Variants in EDA observed in about 807,000 individuals in gnomAD.
EDA encodes the protein ectodysplasin A.
In EDA, 2 loss-of-function variants were observed where a neutral mutation model predicts 23.6. The ratio of observed to expected loss-of-function variants is 0.08; its 90% confidence interval spans 0.03 to 0.27. The LOEUF (loss-of-function observed/expected upper bound fraction) is 0.27, where lower values mean the gene tolerates loss of function less well. EDA is among the 10% of genes least tolerant of loss of function. EDA has a pLI of 1.00. For synonymous variants in EDA, 131 were observed against 132.0 expected (o/e 0.99, Z 0.05); for missense variants, 229 against 324.2 (o/e 0.71, Z 2.26).
At chrX:69,705,377 G>A (rs149500273) in intron 1 of EDA, among the ~76,000 whole-genome samples, 6,695 of 111,297 alleles carry the variant, frequency 0.06, 204 homozygotes, top group Middle Eastern at 0.093. Flanking sequence ...AAGAGAGAAG[G>A]CCAGAAGTCC....
intron 1 of EDA, among the ~76,000 whole-genome samples, chrX:69,891,915 C>T (rs1449135829): frequency 9.1e-6 from 1 of 110,297 alleles, no homozygotes; most frequent in Non-Finnish European, 1.9e-5. Flanking sequence ...TACCCCTGAA[C>T]TTATAAGTTG....
intron 1 of EDA, among the ~76,000 whole-genome samples, chrX:69,799,935 G>T (rs747158931): frequency 8.9e-6 from 1 of 111,883 alleles, no homozygotes; most frequent in South Asian, 3.7e-4. Flanking sequence ...TTATTGTAGC[G>T]CTGTTCACAA....
intron 1 of EDA, among the ~76,000 whole-genome samples, chrX:69,823,085 C>A (rs1343528879): frequency 1.0e-5 from 1 of 95,408 alleles, no homozygotes. Flanking sequence ...TTTTCTTAAT[C>A]CAGTCTATCA....
intron 2 of EDA, among the ~76,000 whole-genome samples, chrX:70,010,772 C>G (rs192924708): frequency 9.0e-6 from 1 of 111,437 alleles, no homozygotes; most frequent in Non-Finnish European, 1.9e-5. Flanking sequence ...GGAAGGCAAA[C>G]GGCACGTGTT....
chrX:69,653,659 A>G (rs1415168080), intron 1 of EDA, among the ~76,000 whole-genome samples: 3 of 111,234 alleles, frequency 2.7e-5, no homozygotes, highest in South Asian at 3.8e-4. Flanking sequence ...ATCTACAACT[A>G]TCTGATCTTT....
At chrX:69,722,352 C>T (rs1175678312) in intron 1 of EDA, among the ~76,000 whole-genome samples, 5 of 110,187 alleles carry the variant, frequency 4.5e-5, no homozygotes, top group African/African-American at 1.6e-4. Context: ...ACTACAGGTG[C>T]CCACCACCAC....
intron 1 of EDA, among the ~76,000 whole-genome samples, chrX:69,666,997 T>G (rs976933726): frequency 2.7e-5 from 3 of 111,843 alleles, no homozygotes; most frequent in Non-Finnish European, 5.6e-5. Context: ...AGCTTTCTAT[T>G]TCTTCCTGAC....
chrX:69,805,567 G>A (rs995492945), intron 1 of EDA, among the ~76,000 whole-genome samples: 1 of 111,377 alleles, frequency 9.0e-6, no homozygotes, highest in Non-Finnish European at 1.9e-5. Context: ...TAAAAAACAA[G>A]TTTCACTTTT....
At chrX:69,742,045 C>T (rs2013475582) in intron 1 of EDA, among the ~76,000 whole-genome samples, 2 of 112,126 alleles carry the variant, frequency 1.8e-5, no homozygotes, top group Admixed American at 9.4e-5. Flanking sequence ...AGTTACACCC[C>T]CTACTTTATT....
At position 70,035,779 on chromosome X, in the gene EDA, C is replaced by A; in HGVS notation, c.*170C>A. ...CTCCAGGGTGACAAGGCCTGCTTGACTTTCCAGAATGACCTTGAGTTAACA... is the reference window on the plus strand; with the variant it reads ...CTCCAGGGTGACAAGGCCTGCTTGAATTTCCAGAATGACCTTGAGTTAACA... On this transcript the variant is annotated 3_prime_UTR_variant, in exon 8 of 8. Transcript: ENST00000374552. 1 of 595,593 alleles carries A rather than the reference C, an allele frequency of 1.7e-6. No homozygotes were observed. Among genetic ancestry groups the A allele is most frequent in the Non-Finnish European group, 2.6e-6 (1 of 383,401 alleles). 49.1% of individuals were successfully genotyped at this position (595,593 alleles called of 1,213,427 possible). A position where few individuals can be genotyped will look rare whatever the true frequency, so the allele number is the denominator to read the frequency against.
At chrX:69,665,893 A>G (rs1933665371) in intron 1 of EDA, among the ~76,000 whole-genome samples, 1 of 111,384 alleles carries the variant, frequency 9.0e-6, no homozygotes, top group Non-Finnish European at 1.9e-5. Flanking sequence ...GAATCAGTAT[A>G]TTATTTTGGA....
intron 1 of EDA, among the ~76,000 whole-genome samples, chrX:69,896,334 G>T (rs1431875610): frequency 2.7e-5 from 3 of 110,598 alleles, no homozygotes; most frequent in Non-Finnish European, 5.7e-5. Context: ...ATCTTGGTCT[G>T]CCAGTTGGCT....
intron 1 of EDA, among the ~76,000 whole-genome samples, chrX:69,931,026 T>C (rs756203759): frequency 3.1e-4 from 35 of 111,347 alleles, no homozygotes; most frequent in African/African-American, 1.1e-3. Flanking sequence ...ATCTGAAAAT[T>C]TATGTGGAAA....
At chrX:69,761,068 C>T (rs1321087621) in intron 1 of EDA, among the ~76,000 whole-genome samples, 2 of 110,141 alleles carry the variant, frequency 1.8e-5, no homozygotes, top group Non-Finnish European at 1.9e-5. Flanking sequence ...AAGTTAGAGA[C>T]GAGGCTCTAA....
chrX:69,962,842 GACA>G (rs781606283), intron 2 of EDA, among the ~76,000 whole-genome samples: 2 of 111,778 alleles, frequency 1.8e-5, no homozygotes, highest in Non-Finnish European at 3.8e-5. Flanking sequence ...CTAATTTATG[GACA>G]ACAATTATAA....
At chrX:69,682,268 C>A (rs1019698847) in intron 1 of EDA, among the ~76,000 whole-genome samples, 1 of 112,425 alleles carries the variant, frequency 8.9e-6, no homozygotes, top group Non-Finnish European at 1.9e-5. Context: ...TTACTGCTGT[C>A]TTTTTGTTTG....
At chrX:69,837,814 C>T (rs2016811258) in intron 1 of EDA, among the ~76,000 whole-genome samples, 1 of 112,346 alleles carries the variant, frequency 8.9e-6, no homozygotes, top group South Asian at 3.7e-4. Flanking sequence ...TAGCAGGACC[C>T]AGAGCTGCAT....
At chrX:70,032,264 GAAA>G (rs781197702) in intron 6 of EDA, among the ~76,000 whole-genome samples, 30 of 90,081 alleles carry the variant, frequency 3.3e-4, no homozygotes, top group African/African-American at 1.1e-3. Flanking sequence ...GTCCATCTCA[GAAA>G]AAAAAAAAAA....
intron 1 of EDA, among the ~76,000 whole-genome samples, chrX:69,852,103 C>T (rs1284249286): frequency 8.9e-6 from 1 of 111,869 alleles, no homozygotes; most frequent in Non-Finnish European, 1.9e-5. Context: ...CCCTCCTTCA[C>T]GGAGGGTAGG....
Sources: gnomAD v4.1 joint callset for allele counts (sites outside exome capture counted in the v4.1 genomes callset) on GRCh38, gnomAD v4.1.1 for gene constraint, MANE v1.5 for transcripts, NCBI Gene and HGNC (gene_info 2026-07-23, HGNC 2026-07-21) for gene names.